NSD2: variants seen among roughly 807,000 people sequenced by gnomAD.
NSD2 encodes the protein histone-lysine N-methyltransferase NSD2.
A neutral mutation model predicts 139.0 loss-of-function variants in NSD2; 12 were observed. The ratio of observed to expected loss-of-function variants is 0.09; its 90% CI spans 0.06 to 0.14. The LOEUF (loss-of-function observed/expected upper bound fraction) is 0.14. Among genes scored for constraint, NSD2 ranks in the 10% least tolerant of loss-of-function variants. The probability of loss-of-function intolerance (pLI) is 1.00; values close to 1 mark genes in which losing one functional copy is unlikely to be tolerated. For synonymous variants in NSD2, 669 were observed against 648.7 expected (o/e 1.03, Z -0.48); for missense variants, 1,155 against 1,745.0 (o/e 0.66, Z 6.02).
intron 5 of NSD2, among the ~76,000 whole-genome samples, chr4:1,922,129 A>G (rs1186017895): frequency 6.6e-6 from 1 of 152,258 alleles, no homozygotes; most frequent in African/African-American, 2.4e-5. Context: ...CCTAGACAAT[A>G]GAATGAGTCT....
chr4:1,962,997 G>C (rs1277034514), intron 18 of NSD2, among the ~76,000 whole-genome samples: 1 of 152,190 alleles, frequency 6.6e-6, no homozygotes, highest in South Asian at 2.1e-4. Context: ...TCTCTAGGAG[G>C]TGGGCTCTGG....
At chr4:1,953,184 C>G (rs749800545) in intron 11 of NSD2, 140 bp from the exon 12 acceptor site, 1 of 1,560,652 alleles carries the variant, frequency 6.4e-7, no homozygotes, top group Non-Finnish European at 8.7e-7. Flanking sequence ...GACTAGTGAG[C>G]AAGGTTGGAA....
chr4:1,952,300 G>C, intron 11 of NSD2, 69 bp downstream of exon 11: 1 of 1,595,444 alleles, frequency 6.3e-7, no homozygotes, highest in Non-Finnish European at 8.5e-7. Flanking sequence ...CCTGCACCAA[G>C]TCCTGCCCTG....
chr4:1,902,252 A>G (rs904326134), intron 2 of NSD2, among the ~76,000 whole-genome samples: 25 of 151,898 alleles, frequency 1.6e-4, no homozygotes, highest in African/African-American at 6.0e-4. Flanking sequence ...TTATTTTGAG[A>G]TGGTCTCTGT....
chr4:1,883,582 G>T (rs948835990), intron 1 of NSD2, among the ~76,000 whole-genome samples: 3 of 146,830 alleles, frequency 2.0e-5, no homozygotes, highest in Non-Finnish European at 4.4e-5. Flanking sequence ...AGTGAGCCCA[G>T]ATTACACCAC....
chr4:1,939,010 A>G (rs538682823), intron 8 of NSD2, among the ~76,000 whole-genome samples: 10 of 152,324 alleles, frequency 6.6e-5, no homozygotes, highest in African/African-American at 2.4e-4. Context: ...AAGAGGGGAA[A>G]TTACACTTCC....
At chr4:1,898,617 A>G (rs1035094987) in intron 1 of NSD2, among the ~76,000 whole-genome samples, 75 of 150,310 alleles carry the variant, frequency 5.0e-4, no homozygotes, top group Middle Eastern at 3.4e-3. Context: ...CTGAGATCGC[A>G]CCACTGCAGT....
chr4:1,919,930 G>A (rs1719901410), intron 5 of NSD2, among the ~76,000 whole-genome samples: 1 of 151,406 alleles, frequency 6.6e-6, no homozygotes, highest in Non-Finnish European at 1.5e-5. Flanking sequence ...ATGAGACGCC[G>A]TCTCAAAAAA....
At chr4:1,903,563 A>G (rs908307102) in intron 2 of NSD2, among the ~76,000 whole-genome samples, 1 of 152,084 alleles carries the variant, frequency 6.6e-6, no homozygotes, top group African/African-American at 2.4e-5. Context: ...GTCAGTATGG[A>G]TTTGGAATTC....
At chr4:1,902,068 CTG>C (rs1717256980) in intron 2 of NSD2, among the ~76,000 whole-genome samples, 1 of 152,126 alleles carries the variant, frequency 6.6e-6, no homozygotes, top group Non-Finnish European at 1.5e-5. Context: ...GCAGCAGTCT[CTG>C]TTCATCTGGT....
In NSD2 at chr4:1,978,888, G is replaced by A; in HGVS notation, c.4077G>A (p.Arg1359=). The A allele has an allele frequency of 6.4e-7, 1 of 1,563,142 alleles. No homozygotes were observed. The highest frequency in any genetic ancestry group is 8.7e-7 in the Non-Finnish European group (1 of 1,152,326). The change falls in exon 22 of 22, where the codon CGG becomes CGA. Residue 1359 remains arginine (R), a synonymous_variant. Transcript: ENST00000508803. The part of the protein sequence containing the change: ...KGKRRRRRGW[R]RVTEGK ...AGAGGCGGCGGCGGAGGGGCTGGCG[G>A]AGAGTCACAGAGGGCAAATAGCGCC...
At chr4:1,880,353 CT>C (rs148888459) in intron 1 of NSD2, among the ~76,000 whole-genome samples, 5,650 of 152,252 alleles carry the variant, frequency 0.037, 361 homozygotes, top group African/African-American at 0.13. Context: ...TGGGAACTTA[CT>C]TTGTTTTGCC....
At chr4:1,916,818 G>C (rs1478296848) in intron 3 of NSD2, 53 bp from the exon 4 acceptor site, 2 of 1,560,684 alleles carry the variant, frequency 1.3e-6, no homozygotes, top group Non-Finnish European at 1.7e-6. Flanking sequence ...GATTTGACTA[G>C]TTTCATCCCA....
chr4:1,939,419 C>G, intron 8 of NSD2: 1 of 549,704 alleles, frequency 1.8e-6, no homozygotes, highest in South Asian at 2.1e-5. Context: ...TAGAGCCACG[C>G]TGGCCCCAGG....
At chr4:1,901,656 C>T (rs1717193420) in intron 2 of NSD2, among the ~76,000 whole-genome samples, 1 of 152,196 alleles carries the variant, frequency 6.6e-6, no homozygotes, top group African/African-American at 2.4e-5. Context: ...AGGCTGGGCT[C>T]TAGAGTGTGA....
intron 1 of NSD2, among the ~76,000 whole-genome samples, chr4:1,894,412 T>C (rs180754158): frequency 6.6e-6 from 1 of 152,304 alleles, no homozygotes; most frequent in Admixed American, 6.5e-5. Context: ...CTTTGAAATT[T>C]GTTGGCTGGC....
chr4:1,924,568 G>A (rs955404721), intron 5 of NSD2, among the ~76,000 whole-genome samples: 5 of 152,026 alleles, frequency 3.3e-5, no homozygotes, highest in Admixed American at 1.3e-4. Flanking sequence ...AGTCTGGATT[G>A]GCACTATACT....
chr4:1,910,583 T>C (rs1577414171), intron 3 of NSD2, among the ~76,000 whole-genome samples: 1 of 152,214 alleles, frequency 6.6e-6, no homozygotes, highest in Admixed American at 6.5e-5. Context: ...TTCTGTGTTA[T>C]GGAAGGGAAT....
At position 1,871,411 on chromosome 4, in the gene NSD2, C is replaced by T. The variant is rs1713744519; in HGVS notation, c.-161C>T. On this transcript the variant is annotated 5_prime_UTR_variant, in exon 1 of 22. Coordinates refer to ENST00000508803, the MANE Select transcript of NSD2 (RefSeq NM_001042424.3). ...CGGGGTCGGCGCCGCGCGCGAGAGC[C>T]TCGGCCTGGCCGCGCTGCGCCCGCC... 1.4e-5 allele frequency: 2 copies of T among 144,810 alleles called. No homozygotes were observed. The highest frequency in any genetic ancestry group is 2.5e-5 in the African/African-American group (1 of 40,394). 9.0% of individuals were successfully genotyped at this position (144,810 alleles called of 1,614,324 possible).
Sources: allele counts gnomAD v4.1 joint callset (sites outside exome capture counted in the v4.1 genomes callset), GRCh38; gene constraint gnomAD v4.1.1; transcripts MANE v1.5; gene names NCBI Gene and HGNC (gene_info 2026-07-23, HGNC 2026-07-21).